PCDHA6: variants seen among roughly 807,000 people sequenced by gnomAD.
PCDHA6 encodes the protein protocadherin alpha 6, also known as protocadherin alpha-6.
A neutral mutation model predicts 60.3 loss-of-function variants in PCDHA6; 55 were observed. That is an observed-to-expected ratio of 0.91 (90% CI 0.73 to 1.14). The LOEUF is 1.14. Ranked by LOEUF, PCDHA6 falls within the 50% of genes most tolerant of loss-of-function variation. The pLI, the probability that PCDHA6 is intolerant of heterozygous loss-of-function variation, is 0.00. For synonymous variants in PCDHA6, 652 were observed against 557.9 expected (o/e 1.17, Z -2.38); for missense variants, 1,327 against 1,256.5 (o/e 1.06, Z -0.85).
At position 140,947,028 on chromosome 5, in the gene PCDHA6, T is replaced by C. The variant is rs111523441; in HGVS notation, c.2395-31921T>C. Among the ~76,000 whole-genome samples the C allele has an allele frequency of 4.6e-3, 693 of 151,852 alleles. 1 individual carries two copies. Among genetic ancestry groups the C allele is most frequent in the Middle Eastern group, 6.8e-3 (2 of 294 alleles). ...AATGATAAATGTTTGAGGTAATGGA[T>C]ATACTAATTACCCTGATTTGATCAT... On this transcript the variant is annotated intron_variant, in intron 1 of 3. Transcript: ENST00000529310.
intron 1 of PCDHA6, chr5:140,855,962 G>A (rs2043697360): frequency 3.6e-6 from 5 of 1,403,344 alleles, no homozygotes; most frequent in Non-Finnish European, 4.8e-6. Flanking sequence ...ATAAAAAATA[G>A]ATATAAGAAA....
intron 1 of PCDHA6, chr5:140,877,772 C>A (rs372461540): frequency 1.2e-6 from 2 of 1,614,152 alleles, no homozygotes; most frequent in Non-Finnish European, 1.7e-6. Context: ...CCGCCCAAGA[C>A]GGACCTCATG....
chr5:141,010,396 C>A lies in PCDHA6; in HGVS notation c.*459C>A. 7.5e-7 allele frequency: 1 copy of A among 1,337,260 alleles called. No individual in the cohort carries two copies. Among genetic ancestry groups the A allele is most frequent in the Non-Finnish European group, 1.0e-6 (1 of 999,990 alleles). 82.8% of individuals were successfully genotyped at this position (1,337,260 alleles called of 1,614,324 possible). On this transcript the variant is annotated 3_prime_UTR_variant, in exon 4 of 4. Coordinates refer to ENST00000529310, the MANE Select transcript of PCDHA6 (RefSeq NM_018909.4). ...GTGCCAGATATTGGCTGAGACGAGC[C>A]AGCTTAGACTAATTGGTACAAGGAA...
intron 3 of PCDHA6, among the ~76,000 whole-genome samples, chr5:140,991,069 G>T (rs1156985445): frequency 6.6e-6 from 1 of 152,136 alleles, no homozygotes; most frequent in Non-Finnish European, 1.5e-5. Flanking sequence ...TTATTCCCAT[G>T]TTTCAGATAA....
rs77488964 is a variant in PCDHA6, at chr5:140,929,006, C to T, written c.2395-49943C>T. The T allele has an allele frequency of 3.2e-3, 5,179 of 1,614,048 alleles. 25 individuals carry two copies. Among genetic ancestry groups the T allele is most frequent in the African/African-American group, 0.019 (1,447 of 75,028 alleles). ...GGGTGCTTACTTTTCTTCGTGTGTA[C>T]CAAGTTGCACCAGAGCCCAGGCTGT... is the stretch of plus-strand genomic sequence containing the variant. On this transcript the variant is annotated intron_variant, in intron 1 of 3. Coordinates refer to ENST00000529310, the MANE Select transcript of PCDHA6 (RefSeq NM_018909.4).
At chr5:140,839,410 G>A (rs1776218295) in intron 1 of PCDHA6, among the ~76,000 whole-genome samples, 1 of 151,704 alleles carries the variant, frequency 6.6e-6, no homozygotes, top group South Asian at 2.1e-4. Context: ...TTATTTTTGA[G>A]ACAGGGTCTC....
At chr5:140,925,665 A>C (rs2082643258) in intron 1 of PCDHA6, among the ~76,000 whole-genome samples, 1 of 149,266 alleles carries the variant, frequency 6.7e-6, no homozygotes, top group Non-Finnish European at 1.5e-5. Flanking sequence ...TAATAATAAT[A>C]ATAATAATAA....
At chr5:140,890,530 T>G (rs2062685019) in intron 1 of PCDHA6, among the ~76,000 whole-genome samples, 1 of 152,222 alleles carries the variant, frequency 6.6e-6, no homozygotes. Flanking sequence ...TTGTTGATCT[T>G]CTTTTGAAAT....
chr5:140,850,754 G>A lies in PCDHA6; in HGVS notation c.2394+20269G>A, dbSNP rs2150497154. 7 of 1,598,000 alleles carry A rather than the reference G, an allele frequency of 4.4e-6. 1 individual carries two copies. In the African/African-American group the frequency reaches 6.7e-5, roughly 15 times the overall value. On this transcript the variant is annotated intron_variant, in intron 1 of 3. Transcript: ENST00000529310. ...TGGGGAGTTGGTCGTACTCGCAGCA[G>A]AGGAGGCAGAGGGTGTGCTCTGGCG...
rs150805116 is a variant in PCDHA6, at chr5:140,977,093, T to C, written c.2395-1856T>C. On this transcript the variant is annotated intron_variant, in intron 1 of 3. Coordinates refer to ENST00000529310, the MANE Select transcript of PCDHA6 (RefSeq NM_018909.4). ...GCAGCATGACAAATTAAATGTGTCA[T>C]TGGGGAAGTGAGATTGTATAATGAA... 6.6e-5 allele frequency among the ~76,000 whole-genome samples: 10 copies of C among 152,320 alleles called. No homozygotes were observed. The East Asian group carries it at 1.7e-3, about 26-fold the overall frequency.
chr5:140,961,805 G>A (rs1554225601), intron 1 of PCDHA6, among the ~76,000 whole-genome samples: 1 of 151,810 alleles, frequency 6.6e-6, no homozygotes, highest in African/African-American at 2.4e-5. Context: ...AGGAAATTGG[G>A]TTCTCTAGTC....
intron 1 of PCDHA6, among the ~76,000 whole-genome samples, chr5:140,919,389 TG>T (rs2079114384): frequency 6.6e-6 from 1 of 152,242 alleles, no homozygotes; most frequent in African/African-American, 2.4e-5. Context: ...AGTTGGATGT[TG>T]TTTTCCTAAA....
At chr5:140,859,573 C>T (rs1254151950) in intron 1 of PCDHA6, 4 of 174,136 alleles carry the variant, frequency 2.3e-5, no homozygotes, top group African/African-American at 9.5e-5. Flanking sequence ...ATGAATTTGT[C>T]ATCTTGCCTA....
intron 1 of PCDHA6, among the ~76,000 whole-genome samples, chr5:140,953,061 G>A (rs919542084): frequency 2.0e-5 from 3 of 152,064 alleles, no homozygotes; most frequent in African/African-American, 7.2e-5. Flanking sequence ...CCTCTCACAG[G>A]CCCCATCTCC....
At chr5:140,988,805 C>T (rs782160959) in intron 3 of PCDHA6, 8 of 152,232 alleles carry the variant, frequency 5.3e-5, no homozygotes, top group African/African-American at 1.4e-4. Context: ...GAATTTCTTC[C>T]GTAACAGTAG....
intron 1 of PCDHA6, chr5:140,869,664 G>T: frequency 6.2e-7 from 1 of 1,613,474 alleles, no homozygotes; most frequent in Non-Finnish European, 8.5e-7. Flanking sequence ...CAAATGGTAA[G>T]CAGATTAAAA....
chr5:140,896,283 T>TG (rs1440417603), intron 1 of PCDHA6, among the ~76,000 whole-genome samples: 4 of 152,258 alleles, frequency 2.6e-5, no homozygotes, highest in Admixed American at 6.5e-5. Context: ...CTGGCTTGAA[T>TG]GGTAAGTTCT....
chr5:140,949,852 T>C (rs1311994394), intron 1 of PCDHA6, among the ~76,000 whole-genome samples: 1 of 151,956 alleles, frequency 6.6e-6, no homozygotes. Context: ...TGTTTCCGCT[T>C]ATCTGTTGTC....
At chr5:140,948,325 C>T (rs1554218520) in intron 1 of PCDHA6, among the ~76,000 whole-genome samples, 1 of 151,476 alleles carries the variant, frequency 6.6e-6, no homozygotes. Flanking sequence ...GTAATGTTTT[C>T]ATTAGGTTTT....
Sources: allele counts gnomAD v4.1 joint callset (sites outside exome capture counted in the v4.1 genomes callset), GRCh38; gene constraint gnomAD v4.1.1; transcripts MANE v1.5; gene names NCBI Gene and HGNC (gene_info 2026-07-23, HGNC 2026-07-21).